Variants in ABCB10 observed in about 807,000 individuals in gnomAD.
The protein encoded by ABCB10 is ATP binding cassette subfamily B member 10.
In ABCB10, 54 loss-of-function variants were observed where a neutral mutation model predicts 65.4. That is an observed-to-expected ratio of 0.83 (90% CI 0.66 to 1.04). ABCB10 has a LOEUF of 1.04. Ranked by LOEUF, ABCB10 falls within the 50% of genes least tolerant of loss-of-function variation. The probability of loss-of-function intolerance (pLI) is 0.00; values close to 1 mark genes in which losing one functional copy is unlikely to be tolerated. For synonymous variants in ABCB10, 418 were observed against 406.5 expected (o/e 1.03, Z -0.34); for missense variants, 846 against 976.6 (o/e 0.87, Z 1.78).
Position 229,550,525 on chromosome 1 carries a change from C to CAAAAAAAAAAAAA in ABCB10, c.518-1104_518-1092dup, listed in dbSNP as rs60323914. Among the ~76,000 whole-genome samples, 92 of 63,532 alleles carry CAAAAAAAAAAAAA rather than the reference C, an allele frequency of 1.4e-3. 1 individual carries two copies. The highest frequency in any genetic ancestry group is 6.0e-3 in the African/African-American group (81 of 13,432). 41.7% of individuals were successfully genotyped at this position (63,532 alleles called of 152,430 possible). Reference sequence around the variant, plus strand: ...GGGTGACACAGCAATATGCTGTCTCCAAAAAAAAAAAAAAAAAAAAAAATT... The same window carrying CAAAAAAAAAAAAA: ...GGGTGACACAGCAATATGCTGTCTCCAAAAAAAAAAAAAAAAAAAAAAAAAAAAAAAAAAAATT... On this transcript the variant is annotated intron_variant, in intron 1 of 12. Transcript: ENST00000344517.
chr1:229,545,139 G>A (rs1015679144), intron 3 of ABCB10, among the ~76,000 whole-genome samples: 1 of 152,182 alleles, frequency 6.6e-6, no homozygotes, highest in Non-Finnish European at 1.5e-5. Flanking sequence ...GACCTACACT[G>A]AATTCCCTTT....
At chr1:229,518,514 T>C (rs1662230838) in intron 12 of ABCB10, 104 bp from the exon 13 acceptor site, 1 of 938,798 alleles carries the variant, frequency 1.1e-6, no homozygotes, top group East Asian at 2.6e-5. Context: ...TTTACCATGA[T>C]CAAAATTTCA....
chr1:229,531,947 GTT>G (rs34289048), intron 6 of ABCB10: 1,245 of 132,410 alleles, frequency 9.4e-3, no homozygotes, highest in South Asian at 0.026. Context: ...CAGTTTCATA[GTT>G]TTTTTTTTTT....
intron 1 of ABCB10, 57 bp from the exon 2 acceptor site, chr1:229,549,491 C>T: frequency 9.8e-6 from 15 of 1,526,126 alleles, no homozygotes; most frequent in Non-Finnish European, 1.3e-5. Context: ...GGCTGCGGTG[C>T]TGAGTCCAGG....
At chr1:229,519,515 T>C (rs1051906023) in intron 11 of ABCB10, among the ~76,000 whole-genome samples, 11 of 152,162 alleles carry the variant, frequency 7.2e-5, no homozygotes, top group Non-Finnish European at 1.3e-4. Flanking sequence ...TGGCCGGACG[T>C]GGTGGCTCAC....
intron 1 of ABCB10, among the ~76,000 whole-genome samples, chr1:229,556,757 A>C (rs979950167): frequency 3.3e-5 from 5 of 152,168 alleles, no homozygotes; most frequent in Admixed American, 3.3e-4. Flanking sequence ...CACATACAGA[A>C]GTGGTGGGCG....
chr1:229,517,969 G>C lies in ABCB10; in HGVS notation c.*210C>G. ...ACCTGAAAATAACTTCAGTGCTATA[G>C]ACATTTAAAAAGTTACAATTATTAA... On this transcript the variant is annotated 3_prime_UTR_variant, in exon 13 of 13. Transcript: ENST00000344517. The C allele has an allele frequency of 3.6e-6, 2 of 548,550 alleles. No individual in the cohort carries two copies. The highest frequency in any genetic ancestry group is 4.7e-5 in the South Asian group (2 of 42,784). The allele number at this position is 548,550 out of a possible 1,614,324, so 34.0% of individuals were successfully genotyped here.
At position 229,517,160 on chromosome 1, in the gene ABCB10, T is replaced by C. The variant is rs1478476507; in HGVS notation, c.*1019A>G. 3 of 152,214 alleles carry C rather than the reference T, an allele frequency of 2.0e-5. No homozygotes were observed. Among genetic ancestry groups the C allele is most frequent in the South Asian group, 4.1e-4 (2 of 4,836 alleles). 9.4% of individuals were successfully genotyped at this position (152,214 alleles called of 1,614,324 possible). Reference sequence around the variant, plus strand: ...CTATAACCATAAATAAAAGGGCTTATTAATATCTTCTTTTCAGGAGAGTGA... The same window carrying C: ...CTATAACCATAAATAAAAGGGCTTACTAATATCTTCTTTTCAGGAGAGTGA... On this transcript the variant is annotated 3_prime_UTR_variant, in exon 13 of 13. Coordinates refer to ENST00000344517, the MANE Select transcript of ABCB10 (RefSeq NM_012089.3).
chr1:229,541,546 A>G (rs1662844099), intron 4 of ABCB10, among the ~76,000 whole-genome samples: 1 of 152,226 alleles, frequency 6.6e-6, no homozygotes, highest in Non-Finnish European at 1.5e-5. Context: ...TTTTGAAAAG[A>G]TAACGTTGCA....
chr1:229,542,115 A>C lies in ABCB10; in HGVS notation c.1056+122T>G, dbSNP rs1010072448. On this transcript the variant is annotated intron_variant, in intron 4 of 12. Coordinates refer to ENST00000344517, the MANE Select transcript of ABCB10 (RefSeq NM_012089.3). ...TTTCATGGATCTTGGGGTAATTTCT[A>C]ATGAAAGGAAAGGCAGGCACTTCAT... The C allele has an allele frequency of 5.4e-6, 7 of 1,291,804 alleles. No individual in the cohort carries two copies. In the African/African-American group the frequency reaches 1.0e-4, roughly 19 times the overall value. 80.0% of individuals were successfully genotyped at this position (1,291,804 alleles called of 1,614,324 possible).
chr1:229,532,329 T>C (rs757046434), intron 6 of ABCB10, among the ~76,000 whole-genome samples: 1 of 152,202 alleles, frequency 6.6e-6, no homozygotes, highest in Admixed American at 6.5e-5. Context: ...CATCAACCAC[T>C]GGATTAAAAT....
rs377051670 is a variant in ABCB10, at chr1:229,521,614, G to A, written c.1928C>T (p.Ala643Val). 6 of 1,612,274 alleles carry A rather than the reference G, an allele frequency of 3.7e-6. No individual in the cohort carries two copies. The highest frequency in any genetic ancestry group is 1.1e-5 in the South Asian group (1 of 90,854). Reference protein sequence around the residue: ...LLSGGQKQRIAIARALLKNPK... With the variant: ...LLSGGQKQRIVIARALLKNPK... ...TACCTTTAGCAGAGCACGGGCAATCGCAATCCGCTGTTTCTGCCCACCTGA... is the reference window on the plus strand; with the variant it reads ...TACCTTTAGCAGAGCACGGGCAATCACAATCCGCTGTTTCTGCCCACCTGA... The change falls in exon 11 of 13, where the codon GCG becomes GTG. Residue 643 changes from alanine to valine, a missense_variant. By Grantham distance (64) the Ala-to-Val change is moderately conservative. Around this residue, in one of 2 missense-constraint regions of ABCB10, gnomAD observed 632 missense variants for 803.2 expected, o/e 0.79. Transcript: ENST00000344517.
At chr1:229,541,966 A>C (rs1662859736) in intron 4 of ABCB10, among the ~76,000 whole-genome samples, 1 of 149,244 alleles carries the variant, frequency 6.7e-6, no homozygotes, top group Non-Finnish European at 1.5e-5. Context: ...AAAAAAAACA[A>C]AAAAAAAAAG....
intron 6 of ABCB10, among the ~76,000 whole-genome samples, chr1:229,539,161 C>T (rs1662785365): frequency 6.6e-6 from 1 of 152,194 alleles, no homozygotes; most frequent in Non-Finnish European, 1.5e-5. Context: ...CACCTGTGAG[C>T]AAGTGAACAA....
intron 1 of ABCB10, among the ~76,000 whole-genome samples, chr1:229,556,372 CAA>C (rs58690289): frequency 1.4e-4 from 12 of 88,714 alleles, no homozygotes; most frequent in Admixed American, 2.5e-4. Flanking sequence ...AACTCCATCT[CAA>C]AAAAAAAAAA....
At chr1:229,532,296 T>C (rs887728428) in intron 6 of ABCB10, among the ~76,000 whole-genome samples, 1 of 152,176 alleles carries the variant, frequency 6.6e-6, no homozygotes, top group Non-Finnish European at 1.5e-5. Flanking sequence ...GATCAGGGAT[T>C]GAAAAACATA....
chr1:229,539,177 C>T (rs1481182539), intron 6 of ABCB10, among the ~76,000 whole-genome samples: 1 of 152,138 alleles, frequency 6.6e-6, no homozygotes, highest in African/African-American at 2.4e-5. Context: ...AACAAATGGT[C>T]TGAAGACACA....
rs772645335 is a variant in ABCB10 at position 229,558,189 on chromosome 1, G to C, written c.464C>G (p.Pro155Arg). The C allele has an allele frequency of 1.3e-5, 19 of 1,429,870 alleles. No individual in the cohort carries two copies. The highest frequency in any genetic ancestry group is 1.6e-5 in the Non-Finnish European group (18 of 1,094,560). 88.6% of individuals were successfully genotyped at this position (1,429,870 alleles called of 1,614,324 possible). Residue 155 changes from proline (P) to arginine (R), a missense_variant, in exon 1 of 13, where the codon CCG becomes CGG. By Grantham distance (103) the Pro-to-Arg change is moderately radical (BLOSUM62 -2). This residue lies in a region of ABCB10 where 632 missense variants were observed against 803.2 expected (regional missense o/e 0.79). Coordinates refer to ENST00000344517, the MANE Select transcript of ABCB10 (RefSeq NM_012089.3). ...CAGCCCCAGGAGCTTCCGGGCCTCC[G>C]GGAGTCCGGCCGCTGCGGGGCGCAG... The part of the protein sequence containing the change: ...GRLRPAAAGL[P>R]EARKLLGLAY...
At chr1:229,542,656 G>T (rs924920836) in intron 3 of ABCB10, among the ~76,000 whole-genome samples, 1 of 150,902 alleles carries the variant, frequency 6.6e-6, no homozygotes, top group Non-Finnish European at 1.5e-5. Context: ...TACTAGATCA[G>T]ACCACGCGGT....
Sources: allele counts gnomAD v4.1 joint callset (sites outside exome capture counted in the v4.1 genomes callset), GRCh38; gene constraint gnomAD v4.1.1; regional missense constraint gnomAD v4.1.1; transcripts MANE v1.5; gene names NCBI Gene and HGNC (gene_info 2026-07-23, HGNC 2026-07-21).